Variants in MED15 observed in about 807,000 individuals in gnomAD.
MED15 encodes mediator of RNA polymerase II transcription subunit 15.
A neutral mutation model predicts 118.7 loss-of-function variants in MED15; 41 were observed. The ratio of observed to expected loss-of-function variants is 0.35; its 90% CI spans 0.27 to 0.45. The LOEUF is 0.45. Ranked by LOEUF, MED15 falls within the 20% of genes least tolerant of loss-of-function variation. The pLI, the probability that MED15 is intolerant of heterozygous loss-of-function variation, is 1.00. For synonymous variants in MED15, 436 were observed against 413.9 expected (o/e 1.05, Z -0.65); for missense variants, 740 against 1,025.5 (o/e 0.72, Z 3.80).
chr22:20,570,147 C>A (rs1253354780), intron 8 of MED15, among the ~76,000 whole-genome samples: 1 of 152,090 alleles, frequency 6.6e-6, no homozygotes, highest in Non-Finnish European at 1.5e-5. Flanking sequence ...GCCTCAGGTT[C>A]CCGAGTAGCT....
intron 5 of MED15, among the ~76,000 whole-genome samples, chr22:20,562,546 G>T (rs1370824801): frequency 6.6e-6 from 1 of 151,794 alleles, no homozygotes; most frequent in Non-Finnish European, 1.5e-5. Flanking sequence ...CACCATGCCC[G>T]CTAATTTTTG....
At chr22:20,544,277 C>T (rs1189041517) in intron 2 of MED15, among the ~76,000 whole-genome samples, 1 of 152,212 alleles carries the variant, frequency 6.6e-6, no homozygotes, top group Non-Finnish European at 1.5e-5. Context: ...TACAAAGCCA[C>T]TGCCATATTT....
At chr22:20,525,891 A>T (rs536738472) in intron 1 of MED15, among the ~76,000 whole-genome samples, 2 of 150,340 alleles carry the variant, frequency 1.3e-5, no homozygotes, top group South Asian at 4.3e-4. Context: ...GACACTCTTT[A>T]TGTGCATTTT....
intron 1 of MED15, chr22:20,519,089 A>G: frequency 3.0e-6 from 1 of 331,964 alleles, no homozygotes; most frequent in Non-Finnish European, 5.9e-6. Flanking sequence ...CCTGGGCTCA[A>G]GCGATCTGCT....
rs139024176 is a variant in MED15 at position 20,563,228 on chromosome 22, G to A, written c.452-1222G>A. Among the ~76,000 whole-genome samples, 36 of 152,164 alleles carry A rather than the reference G, an allele frequency of 2.4e-4. No individual in the cohort carries two copies. In the East Asian group the frequency reaches 5.2e-3, roughly 22 times the overall value. ...TTTTTCCTAGAGAAATGAAAACCTC[G>A]CATAAAAACCCATGCACGAATTTTA... On this transcript the variant is annotated intron_variant, in intron 5 of 17. Transcript: ENST00000263205.
chr22:20,516,946 T>A (rs777582574), intron 1 of MED15, among the ~76,000 whole-genome samples: 41 of 152,168 alleles, frequency 2.7e-4, no homozygotes, highest in Non-Finnish European at 4.4e-4. Context: ...TTATTACTAT[T>A]TTTTGAGAAA....
At chr22:20,551,064 T>C in intron 2 of MED15, 1 of 502,154 alleles carries the variant, frequency 2.0e-6, no homozygotes, top group Non-Finnish European at 4.0e-6. Context: ...CACGGCTGCC[T>C]CTGACAGGCC....
intron 8 of MED15, among the ~76,000 whole-genome samples, chr22:20,571,137 A>G (rs2056648715): frequency 6.6e-6 from 1 of 152,218 alleles, no homozygotes; most frequent in African/African-American, 2.4e-5. Context: ...CAGCTGGTGC[A>G]GGCCCAGCTG....
chr22:20,583,296 C>T lies in MED15; in HGVS notation c.1673-34C>T, dbSNP rs752397926. The T allele has an allele frequency of 2.5e-6, 4 of 1,613,574 alleles. No homozygotes were observed. The South Asian group carries it at 3.3e-5, about 13-fold the overall frequency. ...CCTGCACCCTGGGGACACCACCAGG[C>T]TTGTGTCTTAGTGTGTACCCTCTTC... is the stretch of plus-strand genomic sequence containing the variant. On this transcript the variant is annotated intron_variant, in intron 12 of 17. Coordinates refer to ENST00000263205, the MANE Select transcript of MED15 (RefSeq NM_001003891.3).
At chr22:20,574,513 T>C (rs1286547752) in intron 8 of MED15, 2 of 152,430 alleles carry the variant, frequency 1.3e-5, no homozygotes, top group Non-Finnish European at 2.9e-5. Flanking sequence ...CCTTTGCCCA[T>C]TTTTATTACG....
At chr22:20,527,724 C>T (rs1022367537) in intron 1 of MED15, among the ~76,000 whole-genome samples, 116 of 152,062 alleles carry the variant, frequency 7.6e-4, no homozygotes, top group Non-Finnish European at 1.3e-3. Flanking sequence ...TTTGGGAGGC[C>T]GAGGGCAGGC....
chr22:20,557,929 A>AC (rs2056083270), intron 5 of MED15, among the ~76,000 whole-genome samples: 1 of 152,040 alleles, frequency 6.6e-6, no homozygotes, highest in African/African-American at 2.4e-5. Flanking sequence ...ACACGGTGAG[A>AC]CCCCGTCTCT....
intron 1 of MED15, among the ~76,000 whole-genome samples, chr22:20,511,071 C>T (rs1231179887): frequency 2.0e-5 from 3 of 152,104 alleles, no homozygotes; most frequent in African/African-American, 4.8e-5. Flanking sequence ...TTATTGTGCT[C>T]ATAGGGTTAA....
At chr22:20,525,357 C>T (rs1189130105) in intron 1 of MED15, among the ~76,000 whole-genome samples, 5 of 151,564 alleles carry the variant, frequency 3.3e-5, no homozygotes, top group South Asian at 2.1e-4. Context: ...GTCCCACAGG[C>T]GTGGGCCACC....
At chr22:20,582,789 G>A in intron 10 of MED15, 42 bp downstream of exon 10, 2 of 1,598,154 alleles carry the variant, frequency 1.3e-6, no homozygotes, top group South Asian at 1.1e-5. Context: ...TGGCCCTCGA[G>A]GCTGGCCCTG....
chr22:20,576,837 G>A (rs1029107030), intron 9 of MED15, among the ~76,000 whole-genome samples: 1 of 152,126 alleles, frequency 6.6e-6, no homozygotes, highest in African/African-American at 2.4e-5. Context: ...GACCCCTTTG[G>A]GTTCTGCACT....
intron 9 of MED15, 41 bp from the exon 10 acceptor site, chr22:20,582,570 G>T (rs368413446): frequency 1.3e-6 from 2 of 1,535,746 alleles, no homozygotes; most frequent in South Asian, 2.4e-5. Flanking sequence ...GCAGGCGGGC[G>T]GGCGTGTGGC....
At chr22:20,570,393 CTTT>C (rs362206) in intron 8 of MED15, among the ~76,000 whole-genome samples, 18 of 135,400 alleles carry the variant, frequency 1.3e-4, no homozygotes, top group Non-Finnish European at 2.1e-4. Flanking sequence ...TTCTTTCTGT[CTTT>C]TTTTTTTTTT....
intron 4 of MED15, among the ~76,000 whole-genome samples, 169 bp downstream of exon 4, chr22:20,553,343 A>G (rs1418579352): frequency 6.6e-6 from 1 of 152,044 alleles, no homozygotes. Flanking sequence ...TGACCTCTCC[A>G]GCCTTCGTCT....
Sources: allele counts gnomAD v4.1 joint callset (sites outside exome capture counted in the v4.1 genomes callset), GRCh38; gene constraint gnomAD v4.1.1; transcripts MANE v1.5; gene names NCBI Gene and HGNC (gene_info 2026-07-23, HGNC 2026-07-21).